Variants in ARHGEF7 observed in about 807,000 individuals in gnomAD.
ARHGEF7 encodes PAK-interacting exchange factor beta.
A neutral mutation model predicts 109.8 loss-of-function variants in ARHGEF7; 33 were observed. The observed-to-expected ratio is 0.30, with a 90% CI of 0.23 to 0.40. The LOEUF (loss-of-function observed/expected upper bound fraction) is 0.40, where lower values mean the gene tolerates loss of function less well. Among genes scored for constraint, ARHGEF7 ranks in the 10% least tolerant of loss-of-function variants. ARHGEF7 has a pLI of 1.00. For synonymous variants in ARHGEF7, 458 were observed against 424.6 expected, an observed-to-expected ratio of 1.08 and a Z score of -0.97; for missense variants, 938 against 1,098.5, an observed-to-expected ratio of 0.85 and a Z score of 2.07.
intron 1 of ARHGEF7, among the ~76,000 whole-genome samples, chr13:111,149,359 CATAAT>C: frequency 6.6e-6 from 1 of 152,032 alleles, no homozygotes; most frequent in Admixed American, 6.6e-5. Flanking sequence ...TTTGTGTACT[CATAAT>C]AGTTGTGTTA....
Position 111,115,599 on chromosome 13 carries a change from T to C in ARHGEF7, c.73T>C (p.Ser25Pro). Reference sequence around the variant, plus strand: ...GCTGGAGTCGCCCAAAAAAACCATCTCGGACCCGGAGGGCTTTCTGCAGGC... The same window carrying C: ...GCTGGAGTCGCCCAAAAAAACCATCCCGGACCCGGAGGGCTTTCTGCAGGC... The part of the protein sequence containing the change: ...GVLESPKKTI[S>P]DPEGFLQASL... The change falls in exon 1 of 22, where the codon TCG becomes CCG. Residue 25 changes from serine (S) to proline (P), a missense_variant. Ser to Pro is a moderately conservative substitution (Grantham distance 74). Coordinates refer to ENST00000646102, the MANE Select transcript of ARHGEF7 (RefSeq NM_001354046.2). 7.0e-7 allele frequency: 1 copy of C among 1,418,956 alleles called. No homozygotes were observed. Among genetic ancestry groups the C allele is most frequent in the South Asian group, 1.3e-5 (1 of 74,240 alleles). 87.9% of individuals were successfully genotyped at this position (1,418,956 alleles called of 1,614,324 possible). A position where few individuals can be genotyped will look rare whatever the true frequency, so the allele number is the denominator to read the frequency against.
intron 2 of ARHGEF7, among the ~76,000 whole-genome samples, chr13:111,168,869 G>A (rs2077347790): frequency 6.6e-6 from 1 of 152,214 alleles, no homozygotes. Flanking sequence ...ATGGAAGCCA[G>A]GAGTGTTGGA....
At chr13:111,237,575 A>T (rs527269285) in intron 6 of ARHGEF7, among the ~76,000 whole-genome samples, 1 of 152,338 alleles carries the variant, frequency 6.6e-6, no homozygotes, top group South Asian at 2.1e-4. Flanking sequence ...AATATATTCA[A>T]AGATGCTTGT....
chr13:111,271,078 G>A (rs2092107314), intron 9 of ARHGEF7, among the ~76,000 whole-genome samples: 1 of 152,168 alleles, frequency 6.6e-6, no homozygotes, highest in South Asian at 2.1e-4. Flanking sequence ...TGTGGGCAGT[G>A]GCCTTCATGC....
intron 5 of ARHGEF7, among the ~76,000 whole-genome samples, chr13:111,218,856 A>G (rs977534136): frequency 7.2e-5 from 11 of 152,242 alleles, no homozygotes; most frequent in Admixed American, 5.9e-4. Flanking sequence ...CAAGAAAAAA[A>G]GATTTACAAA....
At chr13:111,153,701 G>T (rs747009380) in intron 1 of ARHGEF7, 168 of 1,313,444 alleles carry the variant, frequency 1.3e-4, no homozygotes, top group Non-Finnish European at 1.5e-4. Context: ...GATTGGTGCA[G>T]CCCCGGAGGA....
At chr13:111,165,479 C>T (rs994355734) in intron 2 of ARHGEF7, among the ~76,000 whole-genome samples, 4 of 152,188 alleles carry the variant, frequency 2.6e-5, no homozygotes, top group South Asian at 2.1e-4. Flanking sequence ...GTTTTGCCAC[C>T]GTGACAATGC....
At chr13:111,177,067 T>C (rs867141284) in intron 2 of ARHGEF7, among the ~76,000 whole-genome samples, 1 of 152,236 alleles carries the variant, frequency 6.6e-6, no homozygotes, top group Non-Finnish European at 1.5e-5. Context: ...GACTGACTTA[T>C]TTTATAAATA....
Position 111,277,580 on chromosome 13 carries a change from G to A in ARHGEF7, c.1420-7G>A, listed in dbSNP as rs376729736. On this transcript the variant is annotated splice_polypyrimidine_tract_variant and splice_region_variant and intron_variant, in intron 12 of 21. Transcript: ENST00000646102. ...AGAAATGTTTTGGATTTCTTTTTTT[G>A]TATTAGGAAAAGAATGAAAGATATC... 4.5e-6 allele frequency: 7 copies of A among 1,564,746 alleles called. No homozygotes were observed. Among genetic ancestry groups the A allele is most frequent in the East Asian group, 2.2e-5 (1 of 44,560 alleles).
chr13:111,301,557 C>T (rs1567135806), intron 21 of ARHGEF7, 25 bp downstream of exon 21: 2 of 1,557,116 alleles, frequency 1.3e-6, no homozygotes, highest in Admixed American at 1.8e-5. Context: ...ATCTTTAAAT[C>T]TTTTTTTTCT....
intron 19 of ARHGEF7, chr13:111,292,788 G>T: frequency 1.0e-6 from 1 of 997,264 alleles, no homozygotes. Context: ...TCAAGTAGTT[G>T]TGGAGAGATG....
intron 8 of ARHGEF7, among the ~76,000 whole-genome samples, chr13:111,245,467 C>T (rs552666585): frequency 2.0e-4 from 31 of 152,252 alleles, no homozygotes; most frequent in South Asian, 1.2e-3. Flanking sequence ...TACCCACTTA[C>T]CGAGCTTTTT....
chr13:111,116,734 C>G (rs545296935), intron 1 of ARHGEF7, among the ~76,000 whole-genome samples: 1 of 152,130 alleles, frequency 6.6e-6, no homozygotes, highest in Non-Finnish European at 1.5e-5. Flanking sequence ...TAAAATGCCA[C>G]GTAAGTGACT....
intron 12 of ARHGEF7, among the ~76,000 whole-genome samples, 192 bp from the exon 13 acceptor site, chr13:111,277,395 T>TTA (rs2153601667): frequency 6.6e-6 from 1 of 152,354 alleles, no homozygotes; most frequent in South Asian, 2.1e-4. Context: ...TAATCATATG[T>TTA]TAAGACTTAA....
intron 8 of ARHGEF7, among the ~76,000 whole-genome samples, chr13:111,247,922 GC>G (rs1442475510): frequency 1.3e-5 from 2 of 152,112 alleles, no homozygotes; most frequent in African/African-American, 4.8e-5. Context: ...CCTCGACCTG[GC>G]CCTAACCTCT....
intron 5 of ARHGEF7, among the ~76,000 whole-genome samples, chr13:111,227,842 C>T (rs763500769): frequency 1.3e-5 from 2 of 152,320 alleles, no homozygotes; most frequent in African/African-American, 2.4e-5. Context: ...CATTTTGTTC[C>T]GTGAAGATTC....
chr13:111,192,012 G>A (rs527927485), intron 2 of ARHGEF7, among the ~76,000 whole-genome samples: 7 of 152,300 alleles, frequency 4.6e-5, no homozygotes, highest in Admixed American at 3.9e-4. Context: ...GATTATGTAG[G>A]TTTTCACTTA....
chr13:111,290,633 C>T (rs955177511), intron 18 of ARHGEF7, among the ~76,000 whole-genome samples: 1 of 152,244 alleles, frequency 6.6e-6, no homozygotes, highest in Non-Finnish European at 1.5e-5. Context: ...CCCCTGGCTG[C>T]CTAAGGGGAA....
intron 12 of ARHGEF7, among the ~76,000 whole-genome samples, chr13:111,276,423 T>C (rs1036812725): frequency 6.6e-6 from 1 of 152,250 alleles, no homozygotes; most frequent in African/African-American, 2.4e-5. Context: ...CATAGTCTTG[T>C]AGTTTGGGTA....
Sources: allele counts gnomAD v4.1 joint callset (sites outside exome capture counted in the v4.1 genomes callset), GRCh38; gene constraint gnomAD v4.1.1; transcripts MANE v1.5; gene names NCBI Gene and HGNC (gene_info 2026-07-23, HGNC 2026-07-21).